Variants in TGM4 observed in about 807,000 individuals in gnomAD.
The protein encoded by TGM4 is protein-glutamine gamma-glutamyltransferase 4.
In TGM4, 61 loss-of-function variants were observed where a neutral mutation model predicts 76.3. That is an observed-to-expected ratio of 0.80 (90% CI 0.65 to 0.99). TGM4 has a LOEUF of 0.99. TGM4 is among the 50% of genes least tolerant of loss of function. TGM4 has a pLI of 0.00. For missense variants in TGM4, 794 were observed against 843.2 expected (o/e 0.94, Z 0.72); for synonymous variants, 337 against 329.8 (o/e 1.02, Z -0.24).
intron 1 of TGM4, among the ~76,000 whole-genome samples, chr3:44,882,889 A>G (rs1292563532): frequency 1.3e-5 from 2 of 152,240 alleles, no homozygotes; most frequent in Non-Finnish European, 2.9e-5. Context: ...CAGGCACTCA[A>G]TGTGCACACT....
intron 10 of TGM4, 81 bp downstream of exon 10, chr3:44,907,281 T>C (rs1575726950): frequency 4.4e-6 from 6 of 1,378,484 alleles, no homozygotes; most frequent in Non-Finnish European, 5.8e-6. Context: ...GGGGTGGGCC[T>C]GGGCAACATG....
chr3:44,911,834 C>T (rs9823957), intron 13 of TGM4, among the ~76,000 whole-genome samples: 88,816 of 151,876 alleles, frequency 0.58, 27,143 homozygotes, highest in East Asian at 0.9. Flanking sequence ...AAATTTGATT[C>T]TTATTTATTT....
At chr3:44,876,161 C>T (rs1027897809) in intron 1 of TGM4, among the ~76,000 whole-genome samples, 26 of 152,212 alleles carry the variant, frequency 1.7e-4, no homozygotes, top group Admixed American at 1.7e-3. Flanking sequence ...GGACACAAAC[C>T]CGGCGTGTGT....
In TGM4 at chr3:44,885,363, A is replaced by G. The variant is rs754934190; in HGVS notation, c.58A>G (p.Asn20Asp). 5.0e-6 allele frequency: 8 copies of G among 1,613,656 alleles called. 1 individual carries two copies. In the South Asian group the frequency reaches 8.8e-5, roughly 18 times the overall value. The change falls in exon 2 of 14, where the codon AAC becomes GAC. Residue 20 changes from asparagine (N) to aspartate (D), a missense_variant. Physicochemically the swap from Asn to Asp is conservative, Grantham distance 23. Coordinates refer to ENST00000296125, the MANE Select transcript of TGM4 (RefSeq NM_003241.4). ...CCACATTGACTTCTTGAATCAGGAC[A>G]ACGCCGTTTCTCACCACACATGGGA... ...VLHIDFLNQDNAVSHHTWEFQ... is the reference protein window; with the variant it reads ...VLHIDFLNQDDAVSHHTWEFQ...
intron 1 of TGM4, 64 bp downstream of exon 1, chr3:44,874,761 C>G: frequency 6.2e-7 from 1 of 1,606,162 alleles, no homozygotes; most frequent in Non-Finnish European, 8.5e-7. Flanking sequence ...CTAAACTGCT[C>G]TCTTGCCTCT....
Position 44,901,773 on chromosome 3 carries a change from C to T in TGM4, c.833-20C>T, listed in dbSNP as rs898132915. On this transcript the variant is annotated intron_variant, in intron 7 of 13. Transcript: ENST00000296125. ...CCCAGCCCCCACAGTTGCCAACCAC[C>T]CCACCCTGGATCATTTCAGTGCTGA... 6.2e-7 allele frequency: 1 copy of T among 1,613,786 alleles called. No individual in the cohort carries two copies. The highest frequency in any genetic ancestry group is 1.1e-5 in the South Asian group (1 of 91,052).
chr3:44,903,831 CT>C, intron 8 of TGM4, 52 bp from the exon 9 acceptor site: 1 of 1,534,756 alleles, frequency 6.5e-7, no homozygotes, highest in Middle Eastern at 1.7e-4. Flanking sequence ...GTATTTATCT[CT>C]AACTAGGTTT....
chr3:44,901,203 G>A (rs554508378), intron 6 of TGM4, among the ~76,000 whole-genome samples: 1 of 152,326 alleles, frequency 6.6e-6, no homozygotes, highest in East Asian at 1.9e-4. Context: ...TCACACCACT[G>A]TACTCCAGCC....
chr3:44,887,729 C>A lies in TGM4; in HGVS notation c.234C>A (p.Leu78=). The A allele has an allele frequency of 1.2e-6, 2 of 1,614,110 alleles. No individual in the cohort carries two copies. Residue 78 remains leucine, a synonymous_variant, in exon 3 of 14, where the codon CTC becomes CTA. Coordinates refer to ENST00000296125, the MANE Select transcript of TGM4 (RefSeq NM_003241.4). Reference sequence around the variant, plus strand: ...TCGCCAAACACACCCTGGTGGTGCTCGACCCGAGGACGCCCTCAGACCACT... The same window carrying A: ...TCGCCAAACACACCCTGGTGGTGCTAGACCCGAGGACGCCCTCAGACCACT... The part of the protein sequence containing the change: ...PSIAKHTLVV[L]DPRTPSDHYN...
rs765002954 is a variant in TGM4 at position 44,910,379 on chromosome 3, C to A, written c.1606+11C>A. On this transcript the variant is annotated intron_variant, in intron 11 of 13. Transcript: ENST00000296125. ...AGATCCAAGGTCAAGGTACCAGAAC[C>A]AGAGGGAGGAGAGGCCTCAAGTGGG... 6.2e-7 allele frequency: 1 copy of A among 1,610,744 alleles called. No individual in the cohort carries two copies. Among genetic ancestry groups the A allele is most frequent in the Admixed American group, 1.7e-5 (1 of 59,894 alleles).
At chr3:44,884,244 A>G (rs567950912) in intron 1 of TGM4, among the ~76,000 whole-genome samples, 2 of 152,070 alleles carry the variant, frequency 1.3e-5, no homozygotes, top group African/African-American at 2.4e-5. Context: ...TAGTTTTACA[A>G]CCCCCAGGTG....
intron 10 of TGM4, 110 bp downstream of exon 10, chr3:44,907,310 CAAAAAAAAA>C (rs3082589): frequency 5.6e-5 from 37 of 660,314 alleles, no homozygotes; most frequent in South Asian, 1.1e-4. Context: ...CCATCCCTAC[CAAAAAAAAA>C]AAAAAAAAAA....
At position 44,874,618 on chromosome 3, in the gene TGM4, T is replaced by C. The variant is rs949399061; in HGVS notation, c.-61T>C. 3.1e-6 allele frequency: 5 copies of C among 1,609,272 alleles called. No individual in the cohort carries two copies. The African/African-American group carries it at 6.7e-5, about 22-fold the overall frequency. On this transcript the variant is annotated 5_prime_UTR_variant, in exon 1 of 14. Transcript: ENST00000296125. ...TTTCCTCCCCTGAGGACCGACTGTG[T>C]GGAAGCACCAGGCATCAGAGATAGA...
At chr3:44,894,653 C>G (rs945957059) in intron 5 of TGM4, among the ~76,000 whole-genome samples, 3 of 151,388 alleles carry the variant, frequency 2.0e-5, no homozygotes, top group South Asian at 2.1e-4. Flanking sequence ...CTCCCCTCCC[C>G]CAAGATTTGA....
At chr3:44,913,554 TG>T (rs1472931237) in intron 13 of TGM4, 29 bp from the exon 14 acceptor site, 6 of 1,600,750 alleles carry the variant, frequency 3.7e-6, no homozygotes, top group Non-Finnish European at 5.1e-6. Flanking sequence ...CTTGGCTGAT[TG>T]TATGTCCGTA....
intron 2 of TGM4, among the ~76,000 whole-genome samples, chr3:44,886,591 C>A (rs1699611342): frequency 6.6e-6 from 1 of 152,182 alleles, no homozygotes; most frequent in Non-Finnish European, 1.5e-5. Flanking sequence ...ACTTCAGTGA[C>A]TTTATAGTAC....
chr3:44,900,324 CTCTT>C (rs1699835791), intron 6 of TGM4, among the ~76,000 whole-genome samples: 1 of 152,188 alleles, frequency 6.6e-6, no homozygotes, highest in South Asian at 2.1e-4. Flanking sequence ...TTGCCTGTCT[CTCTT>C]TCATCTGTTT....
intron 1 of TGM4, among the ~76,000 whole-genome samples, chr3:44,884,910 G>A (rs1331862288): frequency 1.3e-5 from 2 of 152,198 alleles, no homozygotes; most frequent in Non-Finnish European, 2.9e-5. Context: ...GATTGACGGA[G>A]AACACCCTGG....
At chr3:44,896,580 T>C (rs1295887295) in intron 5 of TGM4, 129 bp from the exon 6 acceptor site, 1 of 765,510 alleles carries the variant, frequency 1.3e-6, no homozygotes, top group Non-Finnish European at 2.2e-6. Flanking sequence ...TGGACTTTTT[T>C]ATGAGACTGT....
Sources: gnomAD v4.1 joint callset for allele counts (sites outside exome capture counted in the v4.1 genomes callset) on GRCh38, gnomAD v4.1.1 for gene constraint, MANE v1.5 for transcripts, NCBI Gene and HGNC (gene_info 2026-07-23, HGNC 2026-07-21) for gene names.